The following ZDHHC3 variants were observed in gnomAD, a reference collection of about 807,000 sequenced individuals.
ZDHHC3 encodes the protein zDHHC palmitoyltransferase 3, also known as palmitoyltransferase ZDHHC3.
A neutral mutation model predicts 30.6 loss-of-function variants in ZDHHC3; 9 were observed. The ratio of observed to expected loss-of-function variants is 0.29; its 90% confidence interval spans 0.18 to 0.51. The LOEUF is 0.51. Among genes scored for constraint, ZDHHC3 ranks in the 20% least tolerant of loss-of-function variants. The probability of loss-of-function intolerance (pLI) is 0.97; values close to 1 mark genes in which losing one functional copy is unlikely to be tolerated. For missense variants in ZDHHC3, 246 were observed against 384.2 expected (o/e 0.64, Z 3.01); for synonymous variants, 136 against 140.2 (o/e 0.97, Z 0.21).
chr3:44,932,874 C>T (rs1701618564), intron 5 of ZDHHC3: 2 of 1,610,242 alleles, frequency 1.2e-6, no homozygotes, highest in African/African-American at 2.7e-5. Context: ...ACGCTCAGTC[C>T]AGAGGGTCTG....
Position 44,959,905 on chromosome 3 carries a change from G to A in ZDHHC3, c.-24-445C>T, listed in dbSNP as rs1325506087. The stretch of plus-strand genomic sequence containing the variant: ...ACCTCCCAAGTACCTAGAACTACAG[G>A]CACGCACCACCACACCTGGCTAATT... On this transcript the variant is annotated intron_variant, in intron 1 of 6. Coordinates refer to ENST00000424952, the MANE Select transcript of ZDHHC3 (RefSeq NM_001135179.2). The surrounding 1 kb of genome is among the most constrained non-coding windows in gnomAD (Gnocchi z 4.3). Among the ~76,000 whole-genome samples the A allele has an allele frequency of 6.6e-6, 1 of 152,076 alleles. No individual in the cohort carries two copies.
At chr3:44,950,741 TG>T (rs1248785808) in intron 2 of ZDHHC3, among the ~76,000 whole-genome samples, 1 of 152,236 alleles carries the variant, frequency 6.6e-6, no homozygotes, top group Non-Finnish European at 1.5e-5. Context: ...TATGCTCTTT[TG>T]GGCTCATCTC....
chr3:44,945,196 T>C lies in ZDHHC3; in HGVS notation c.403A>G (p.Ile135Val). 3.1e-6 allele frequency: 5 copies of C among 1,614,160 alleles called. No individual in the cohort carries two copies. Among genetic ancestry groups the C allele is most frequent in the Non-Finnish European group, 4.2e-6 (5 of 1,180,024 alleles). Reference protein sequence around the residue: ...VVYKCPKCCSIKPDRAHHCSV... With the variant: ...VVYKCPKCCSVKPDRAHHCSV... ...CAGTGGTGGGCTCGGTCGGGCTTGA[T>C]GCTGCAGCATTTGGGGCACTTGTAC... is the stretch of plus-strand genomic sequence containing the variant. The change falls in exon 3 of 7, where the codon ATC becomes GTC. Residue 135 changes from isoleucine (I) to valine (V), a missense_variant. Ile to Val is a conservative substitution (Grantham distance 29, BLOSUM62 3). Coordinates refer to ENST00000424952, the MANE Select transcript of ZDHHC3 (RefSeq NM_001135179.2).
At position 44,918,321 on chromosome 3, in the gene ZDHHC3, C is replaced by T; in HGVS notation, c.*8368G>A. 3 of 985,322 alleles carry T rather than the reference C, an allele frequency of 3.0e-6. No homozygotes were observed. The highest frequency in any genetic ancestry group is 3.6e-6 in the Non-Finnish European group (3 of 829,892). 61.0% of individuals were successfully genotyped at this position (985,322 alleles called of 1,614,324 possible). On this transcript the variant is annotated 3_prime_UTR_variant, in exon 7 of 7. Transcript: ENST00000424952. ...GGCCCAGGTCACCCCCGGGAGGTCC[C>T]TCAGAGGACTGCTGGGGTGTGGGTG...
chr3:44,971,655 T>C (rs970508943), intron 1 of ZDHHC3, among the ~76,000 whole-genome samples: 4 of 152,156 alleles, frequency 2.6e-5, no homozygotes, highest in Non-Finnish European at 4.4e-5. Context: ...GTTACCCCCT[T>C]TTCTCAAATA....
intron 3 of ZDHHC3, among the ~76,000 whole-genome samples, chr3:44,943,027 G>A (rs1391371065): frequency 6.6e-6 from 1 of 152,182 alleles, no homozygotes; most frequent in East Asian, 1.9e-4. Context: ...CAGGAGGCAA[G>A]CCTTGAATTA....
chr3:44,925,325 C>T lies in ZDHHC3; in HGVS notation c.*1364G>A. The T allele has an allele frequency of 1.0e-6, 1 of 985,868 alleles. No individual in the cohort carries two copies. Among genetic ancestry groups the T allele is most frequent in the African/African-American group, 1.7e-5 (1 of 57,364 alleles). 61.1% of individuals were successfully genotyped at this position (985,868 alleles called of 1,614,324 possible). ...AGGATTGAATAAACCTTAACTCCTA[C>T]CCCCACCCCAAGCAAAAGCTAAAAA... is the stretch of plus-strand genomic sequence containing the variant. On this transcript the variant is annotated 3_prime_UTR_variant, in exon 7 of 7. Coordinates refer to ENST00000424952, the MANE Select transcript of ZDHHC3 (RefSeq NM_001135179.2).
rs1575763121 is a variant in ZDHHC3 at position 44,923,580 on chromosome 3, T to C, written c.*3109A>G. 2.0e-6 allele frequency: 2 copies of C among 980,026 alleles called. No individual in the cohort carries two copies. Among genetic ancestry groups the C allele is most frequent in the South Asian group, 4.7e-5 (1 of 21,166 alleles). The allele number at this position is 980,026 out of a possible 1,614,324, so 60.7% of individuals were successfully genotyped here. A position where few individuals can be genotyped will look rare whatever the true frequency, so the allele number is the denominator to read the frequency against. ...ACTTTGGGAGGCTAAGGCAGGAAAA[T>C]TGCTGGAGGCCGGGCATTTGAGACT... On this transcript the variant is annotated 3_prime_UTR_variant, in exon 7 of 7. Transcript: ENST00000424952.
At chr3:44,941,757 T>TA (rs199887044) in intron 3 of ZDHHC3, among the ~76,000 whole-genome samples, 1,493 of 117,270 alleles carry the variant, frequency 0.013, 12 homozygotes, top group Middle Eastern at 0.031. Context: ...GCTGATGAGC[T>TA]AAAAAAAAAA....
chr3:44,975,996 G>A lies in ZDHHC3; in HGVS notation c.-88C>T, dbSNP rs868400861. The A allele has an allele frequency of 3.7e-5, 13 of 353,992 alleles. No individual in the cohort carries two copies. Among genetic ancestry groups the A allele is most frequent in the East Asian group, 1.4e-4 (3 of 21,968 alleles). The allele number at this position is 353,992 out of a possible 1,614,324, so 21.9% of individuals were successfully genotyped here. Reference sequence around the variant, plus strand: ...TGGGGCTCCCGCCGCCGCCGCCGCTGCCTTCCCCTGCAGTCCCCAACCCGG... The same window carrying A: ...TGGGGCTCCCGCCGCCGCCGCCGCTACCTTCCCCTGCAGTCCCCAACCCGG... On this transcript the variant is annotated 5_prime_UTR_variant, in exon 1 of 7. Coordinates refer to ENST00000424952, the MANE Select transcript of ZDHHC3 (RefSeq NM_001135179.2).
Position 44,925,024 on chromosome 3 carries a change from A to G in ZDHHC3, c.*1665T>C. The G allele has an allele frequency of 1.0e-6, 1 of 985,712 alleles. No individual in the cohort carries two copies. The highest frequency in any genetic ancestry group is 1.2e-6 in the Non-Finnish European group (1 of 829,946). 61.1% of individuals were successfully genotyped at this position (985,712 alleles called of 1,614,324 possible). On this transcript the variant is annotated 3_prime_UTR_variant, in exon 7 of 7. Coordinates refer to ENST00000424952, the MANE Select transcript of ZDHHC3 (RefSeq NM_001135179.2). ...AGCTGGTTCAAGAGAGGGACCATAA[A>G]TGCATTTTAAAACAAAAAAAATAAA... is the stretch of plus-strand genomic sequence containing the variant.
chr3:44,955,457 T>TTCTATATATA (rs1553691497), intron 2 of ZDHHC3, among the ~76,000 whole-genome samples: 2 of 143,970 alleles, frequency 1.4e-5, no homozygotes, highest in African/African-American at 5.1e-5. Flanking sequence ...CACAAGGTTT[T>TTCTATATATA]TATATATATA....
chr3:44,948,007 G>A (rs1703098472), intron 2 of ZDHHC3, among the ~76,000 whole-genome samples: 2 of 152,178 alleles, frequency 1.3e-5, no homozygotes, highest in African/African-American at 4.8e-5. Context: ...GCATTGGACT[G>A]GGGCACTCTT....
chr3:44,926,483 A>G lies in ZDHHC3; in HGVS notation c.*206T>C. The stretch of plus-strand genomic sequence containing the variant: ...GGAAAAGAGAGCAGCTTCGGTCACC[A>G]AAAGAAATCGAAAGGATGGTTTTTA... On this transcript the variant is annotated 3_prime_UTR_variant, in exon 7 of 7. Coordinates refer to ENST00000424952, the MANE Select transcript of ZDHHC3 (RefSeq NM_001135179.2). 7.8e-7 allele frequency: 1 copy of G among 1,286,578 alleles called. No homozygotes were observed. The highest frequency in any genetic ancestry group is 9.8e-7 in the Non-Finnish European group (1 of 1,020,272). 79.7% of individuals were successfully genotyped at this position (1,286,578 alleles called of 1,614,324 possible).
chr3:44,918,071 A>C lies in ZDHHC3; in HGVS notation c.*8618T>G. The C allele has an allele frequency of 1.5e-6, 2 of 1,305,324 alleles. No homozygotes were observed. The highest frequency in any genetic ancestry group is 2.0e-6 in the Non-Finnish European group (2 of 988,936). The allele number at this position is 1,305,324 out of a possible 1,614,324, so 80.9% of individuals were successfully genotyped here. A position where few individuals can be genotyped will look rare whatever the true frequency, so the allele number is the denominator to read the frequency against. ...CAGTTCAGGGAGAAGTCCCCACCAAAGGTCTCCTTTACTGACTGCCAGCTC... is the reference window on the plus strand; with the variant it reads ...CAGTTCAGGGAGAAGTCCCCACCAACGGTCTCCTTTACTGACTGCCAGCTC... On this transcript the variant is annotated 3_prime_UTR_variant, in exon 7 of 7. Transcript: ENST00000424952.
chr3:44,925,830 T>C lies in ZDHHC3; in HGVS notation c.*859A>G. ...TGCAGTCAGAATTCACACTGCTTAA[T>C]TGACATCTTGCTGGGGAAGAGAGGG... On this transcript the variant is annotated 3_prime_UTR_variant, in exon 7 of 7. Coordinates refer to ENST00000424952, the MANE Select transcript of ZDHHC3 (RefSeq NM_001135179.2). 5 of 985,872 alleles carry C rather than the reference T, an allele frequency of 5.1e-6. No homozygotes were observed. The highest frequency in any genetic ancestry group is 6.0e-6 in the Non-Finnish European group (5 of 829,936). 61.1% of individuals were successfully genotyped at this position (985,872 alleles called of 1,614,324 possible).
intron 6 of ZDHHC3, 80 bp from the exon 7 acceptor site, chr3:44,926,927 T>C (rs1701040717): frequency 6.7e-7 from 1 of 1,485,526 alleles, no homozygotes; most frequent in Admixed American, 2.4e-5. Context: ...CAGCGACAGG[T>C]GAATGGAGTA....
At chr3:44,941,165 G>A (rs1264437475) in intron 3 of ZDHHC3, among the ~76,000 whole-genome samples, 1 of 152,170 alleles carries the variant, frequency 6.6e-6, no homozygotes, top group Non-Finnish European at 1.5e-5. Flanking sequence ...GCTCATGTAG[G>A]AAAATAGTAA....
intron 2 of ZDHHC3, among the ~76,000 whole-genome samples, chr3:44,947,758 A>T (rs1703079445): frequency 6.6e-6 from 1 of 152,234 alleles, no homozygotes; most frequent in African/African-American, 2.4e-5. Context: ...CAGGGCTGAG[A>T]GCTACTGTGC....
Sources: gnomAD v4.1 joint callset for allele counts (sites outside exome capture counted in the v4.1 genomes callset) on GRCh38, gnomAD v4.1.1 for gene constraint, Gnocchi (gnomAD v3.1) non-coding constraint, MANE v1.5 for transcripts, NCBI Gene and HGNC (gene_info 2026-07-23, HGNC 2026-07-21) for gene names.